The following ZDHHC20 variants were observed in gnomAD, a reference collection of about 807,000 sequenced individuals.
The protein encoded by ZDHHC20 is palmitoyltransferase ZDHHC20.
ZDHHC20 carries 43 observed loss-of-function variants against 57.8 expected under a neutral mutation model. The ratio of observed to expected loss-of-function variants is 0.74; its 90% confidence interval spans 0.58 to 0.96. The LOEUF (loss-of-function observed/expected upper bound fraction) is 0.96, where lower values mean the gene tolerates loss of function less well. ZDHHC20 is among the 40% of genes least tolerant of loss of function. The pLI is 0.00. For missense variants in ZDHHC20, 391 were observed against 441.1 expected (o/e 0.89, Z 1.02); for synonymous variants, 157 against 153.0 (o/e 1.03, Z -0.19).
At position 21,387,630 on chromosome 13, in the gene ZDHHC20, T is replaced by C. The variant is rs1874803482; in HGVS notation, c.732A>G (p.Ser244=). 2 of 1,454,462 alleles carry C rather than the reference T, an allele frequency of 1.4e-6. No homozygotes were observed. Among genetic ancestry groups the C allele is most frequent in the Non-Finnish European group, 1.8e-6 (2 of 1,097,922 alleles). The allele number at this position is 1,454,462 out of a possible 1,614,324, so 90.1% of individuals were successfully genotyped here. A position where few individuals can be genotyped will look rare whatever the true frequency, so the allele number is the denominator to read the frequency against. The change falls in exon 9 of 13, where the codon TCA becomes TCG. Residue 244 remains serine, a synonymous_variant. Coordinates refer to ENST00000400590, the MANE Select transcript of ZDHHC20 (RefSeq NM_001330059.2). ...LVGKNRTTIE[S]FRAPTFSYGP... is the part of the protein sequence containing the mutation. ...CGTATGAAAACGTGGGTGCGCGGAA[T>C]GATTCTGTTAAATATACATACATAT... is the stretch of plus-strand genomic sequence containing the variant.
intron 11 of ZDHHC20, 21 bp downstream of exon 11, chr13:21,381,413 G>A: frequency 6.4e-7 from 1 of 1,562,876 alleles, no homozygotes; most frequent in Non-Finnish European, 8.8e-7. Context: ...ACAAAGCAGT[G>A]TTTCAAATGA....
At chr13:21,441,549 C>CTTTTTTT (rs397851910) in intron 1 of ZDHHC20, among the ~76,000 whole-genome samples, 5 of 65,342 alleles carry the variant, frequency 7.7e-5, no homozygotes, top group African/African-American at 2.7e-4. Context: ...CCACGCCCGG[C>CTTTTTTT]TTTTTTTTTT....
At chr13:21,384,349 C>T (rs9506665) in intron 9 of ZDHHC20, among the ~76,000 whole-genome samples, 8 of 150,566 alleles carry the variant, frequency 5.3e-5, no homozygotes, top group South Asian at 2.1e-4. Flanking sequence ...CTGAGGCATA[C>T]GAATCGCTTG....
intron 1 of ZDHHC20, among the ~76,000 whole-genome samples, chr13:21,441,762 C>T (rs906191894): frequency 1.3e-5 from 2 of 151,904 alleles, no homozygotes; most frequent in South Asian, 2.1e-4. Context: ...GGTTTTGTTG[C>T]TAATTTTTTT....
chr13:21,402,820 C>A lies in ZDHHC20; in HGVS notation c.417G>T (p.Ala139=). 3.1e-6 allele frequency: 5 copies of A among 1,598,346 alleles called. No homozygotes were observed. Among genetic ancestry groups the A allele is most frequent in the Non-Finnish European group, 4.3e-6 (5 of 1,172,046 alleles). The change falls in exon 5 of 13, where the codon GCG becomes GCT. Residue 139 remains alanine, a synonymous_variant. Coordinates refer to ENST00000400590, the MANE Select transcript of ZDHHC20 (RefSeq NM_001330059.2). ...EKCQLIKPDR[A]HHCSACDSCI... is the part of the protein sequence containing the mutation. ...ACGAGTCACAGGCTGAGCAGTGATG[C>A]GCCCGATCAGGTTTAATCAGCTGAC... is the stretch of plus-strand genomic sequence containing the variant.
intron 11 of ZDHHC20, among the ~76,000 whole-genome samples, chr13:21,379,545 G>T (rs1872864329): frequency 1.3e-5 from 2 of 152,014 alleles, no homozygotes; most frequent in African/African-American, 4.8e-5. Context: ...GCCTCCGGAA[G>T]TGCTGGGATT....
At chr13:21,385,291 T>C (rs1874257408) in intron 9 of ZDHHC20, among the ~76,000 whole-genome samples, 1 of 152,126 alleles carries the variant, frequency 6.6e-6, no homozygotes, top group African/African-American at 2.4e-5. Context: ...TAGCCAGGTG[T>C]GGTGTTACGC....
chr13:21,399,567 A>G (rs866866663), intron 7 of ZDHHC20, among the ~76,000 whole-genome samples: 2 of 152,068 alleles, frequency 1.3e-5, no homozygotes, highest in African/African-American at 4.8e-5. Flanking sequence ...TTTTAAAGCT[A>G]TATTTATCTG....
At chr13:21,440,053 T>C (rs1173253485) in intron 1 of ZDHHC20, among the ~76,000 whole-genome samples, 31 of 109,106 alleles carry the variant, frequency 2.8e-4, no homozygotes, top group African/African-American at 1.0e-3. Context: ...GGCGACAGAG[T>C]AAGACTGTTT....
chr13:21,408,521 A>C (rs1878765852), intron 4 of ZDHHC20, among the ~76,000 whole-genome samples: 1 of 152,158 alleles, frequency 6.6e-6, no homozygotes, highest in Non-Finnish European at 1.5e-5. Context: ...TGGGGCTGGG[A>C]CGATGGGGTT....
intron 5 of ZDHHC20, among the ~76,000 whole-genome samples, chr13:21,402,210 G>A (rs1464270391): frequency 6.6e-6 from 1 of 152,094 alleles, no homozygotes; most frequent in East Asian, 1.9e-4. Context: ...AAAAGTTTAG[G>A]AGGAAATAAG....
chr13:21,448,275 A>G (rs1285578489), intron 1 of ZDHHC20, among the ~76,000 whole-genome samples: 12 of 56,918 alleles, frequency 2.1e-4, no homozygotes, highest in Non-Finnish European at 2.6e-4. Context: ...CTGGGAAGTG[A>G]GGAGCCCCTC....
intron 1 of ZDHHC20, among the ~76,000 whole-genome samples, chr13:21,445,005 G>A (rs1479083950): frequency 6.6e-5 from 10 of 152,026 alleles, no homozygotes; most frequent in East Asian, 1.9e-4. Flanking sequence ...GCAGTGAGCT[G>A]TGGTCATGCC....
intron 1 of ZDHHC20, among the ~76,000 whole-genome samples, chr13:21,452,297 A>G (rs995621214): frequency 2.5e-4 from 38 of 152,332 alleles, no homozygotes; most frequent in African/African-American, 7.9e-4. Context: ...AACTTGGCAA[A>G]TTTACTAAAA....
intron 1 of ZDHHC20, among the ~76,000 whole-genome samples, chr13:21,445,013 G>A (rs1883538413): frequency 6.6e-6 from 1 of 152,012 alleles, no homozygotes; most frequent in Non-Finnish European, 1.5e-5. Context: ...CTGTGGTCAT[G>A]CCAAATGCAC....
chr13:21,433,012 T>G (rs1002793941), intron 1 of ZDHHC20, among the ~76,000 whole-genome samples: 1 of 152,376 alleles, frequency 6.6e-6, no homozygotes, highest in South Asian at 2.1e-4. Context: ...ACTACAGTCT[T>G]GATTACATAT....
chr13:21,420,387 T>C (rs886400258), intron 3 of ZDHHC20, among the ~76,000 whole-genome samples: 4 of 152,226 alleles, frequency 2.6e-5, no homozygotes, highest in African/African-American at 7.2e-5. Context: ...GTTAGTTCCA[T>C]TTTTTGATAA....
intron 11 of ZDHHC20, among the ~76,000 whole-genome samples, chr13:21,380,520 A>G (rs1231626398): frequency 6.6e-6 from 1 of 150,834 alleles, no homozygotes; most frequent in Admixed American, 6.6e-5. Context: ...CTGGCCGGGC[A>G]TGGTGGCTCA....
At chr13:21,451,804 A>G (rs576018878) in intron 1 of ZDHHC20, among the ~76,000 whole-genome samples, 1 of 152,194 alleles carries the variant, frequency 6.6e-6, no homozygotes, top group South Asian at 2.1e-4. Context: ...AGCCTGGCCA[A>G]CATGGTGAAA....
Sources: allele counts gnomAD v4.1 joint callset (sites outside exome capture counted in the v4.1 genomes callset), GRCh38; gene constraint gnomAD v4.1.1; transcripts MANE v1.5; gene names NCBI Gene and HGNC (gene_info 2026-07-23, HGNC 2026-07-21).